GYG2: variants seen among roughly 807,000 people sequenced by gnomAD.
GYG2 encodes glycogenin 2, also known as glycogenin-2.
GYG2 carries 29 observed loss-of-function variants against 29.4 expected under a neutral mutation model. That is an observed-to-expected ratio of 0.99 (90% confidence interval 0.74 to 1.35). The LOEUF is 1.35. Among genes scored for constraint, GYG2 ranks in the 40% most tolerant of loss-of-function variants. The probability of loss-of-function intolerance (pLI) is 0.00; values close to 1 mark genes in which losing one functional copy is unlikely to be tolerated. For synonymous variants in GYG2, 167 were observed against 172.3 expected (o/e 0.97, Z 0.24); for missense variants, 370 against 385.7 (o/e 0.96, Z 0.34).
intron 9 of GYG2, 60 bp from the exon 10 acceptor site, chrX:2,877,140 G>A: frequency 8.4e-7 from 1 of 1,185,315 alleles, no homozygotes; most frequent in Non-Finnish European, 1.1e-6. Context: ...CATCATTTAG[G>A]TTAGGGCTAC....
chrX:2,879,317 G>A (rs2088666322), intron 10 of GYG2, among the ~76,000 whole-genome samples: 1 of 103,029 alleles, frequency 9.7e-6, no homozygotes, highest in Non-Finnish European at 2.0e-5. Context: ...ACCCAGTCTG[G>A]AGTGCAGTGG....
intron 6 of GYG2, among the ~76,000 whole-genome samples, chrX:2,859,058 A>G (rs2088091383): frequency 9.0e-6 from 1 of 111,620 alleles, no homozygotes; most frequent in Non-Finnish European, 1.9e-5. Context: ...TTTTTGATAT[A>G]TAGAAAATAA....
At chrX:2,877,603 A>G (rs2088631954) in intron 10 of GYG2, 1 of 751,947 alleles carries the variant, frequency 1.3e-6, no homozygotes, top group Admixed American at 8.8e-5. Flanking sequence ...GTGGAAATTA[A>G]TGCGTAGCAA....
intron 8 of GYG2, among the ~76,000 whole-genome samples, chrX:2,869,016 TAAAA>T (rs34020477): frequency 1.0e-5 from 1 of 96,508 alleles, no homozygotes; most frequent in Non-Finnish European, 2.1e-5. Context: ...CTGAACATCT[TAAAA>T]AAAAAAAAAA....
chrX:2,832,462 C>T (rs192283128), intron 2 of GYG2, among the ~76,000 whole-genome samples: 221 of 111,983 alleles, frequency 2.0e-3, no homozygotes, highest in Non-Finnish European at 2.1e-3. Flanking sequence ...GTGGGCAGGG[C>T]TGGTTCCTCC....
chrX:2,833,773 A>G (rs2087316914), intron 2 of GYG2, among the ~76,000 whole-genome samples: 1 of 112,312 alleles, frequency 8.9e-6, no homozygotes, highest in African/African-American at 3.2e-5. Context: ...CATTTCTCTT[A>G]GTTGTCACTG....
rs759432385 is a variant in GYG2, at chrX:2,834,175, C to T, written c.7+3980C>T. On this transcript the variant is annotated intron_variant, in intron 2 of 10. Coordinates refer to ENST00000398806, the MANE Select transcript of GYG2 (RefSeq NM_001079855.2). ...ATTTTTTCTGCCTCTTCCTTCTTTG[C>T]CTTATTATTTTTGGTTCAGTTTCTT... is the stretch of plus-strand genomic sequence containing the variant. Among the ~76,000 whole-genome samples, 3 of 111,949 alleles carry T rather than the reference C, an allele frequency of 2.7e-5. No individual in the cohort carries two copies. The South Asian group carries it at 1.1e-3, about 42-fold the overall frequency.
At chrX:2,854,953 A>G (rs1455028038) in intron 4 of GYG2, 40 bp from the exon 5 acceptor site, 2 of 1,189,680 alleles carry the variant, frequency 1.7e-6, no homozygotes, top group South Asian at 3.7e-5. Flanking sequence ...CATTGGTAAA[A>G]GAAGCATTGC....
chrX:2,832,053 C>T (rs747704358), intron 2 of GYG2, among the ~76,000 whole-genome samples: 7 of 112,810 alleles, frequency 6.2e-5, no homozygotes, highest in South Asian at 7.3e-4. Flanking sequence ...TGTTCTCTGG[C>T]GTCTGGCGCC....
At chrX:2,841,127 T>C (rs921217735) in intron 2 of GYG2, among the ~76,000 whole-genome samples, 1 of 108,497 alleles carries the variant, frequency 9.2e-6, no homozygotes, top group African/African-American at 3.4e-5. Context: ...GATGGATAGA[T>C]AGATGATAGA....
At chrX:2,877,067 G>T in intron 9 of GYG2, 133 bp from the exon 10 acceptor site, 1 of 865,136 alleles carries the variant, frequency 1.2e-6, no homozygotes. Context: ...ACAGGCATGA[G>T]CCACCGCGCC....
chrX:2,836,824 G>A (rs890050960), intron 2 of GYG2, among the ~76,000 whole-genome samples: 1 of 110,793 alleles, frequency 9.0e-6, no homozygotes, highest in South Asian at 3.9e-4. Flanking sequence ...AAAAATAGCT[G>A]GATGTAGTGG....
intron 8 of GYG2, among the ~76,000 whole-genome samples, chrX:2,872,030 T>G (rs962397147): frequency 6.3e-5 from 7 of 111,764 alleles, no homozygotes; most frequent in Non-Finnish European, 1.1e-4. Context: ...TCGTCTGCCT[T>G]TACGATGTCC....
chrX:2,851,355 C>T lies in GYG2; in HGVS notation c.150-2625C>T, dbSNP rs1191455705. ...CTGCCTCCCAGGTTCAAGCAATTCT[C>T]ATGCCTCAGCCTCCAGAGTAGCTGG... On this transcript the variant is annotated intron_variant, in intron 3 of 10. Transcript: ENST00000398806. Among the ~76,000 whole-genome samples, 4 of 111,704 alleles carry T rather than the reference C, an allele frequency of 3.6e-5. No individual in the cohort carries two copies. The East Asian group carries it at 1.1e-3, about 31-fold the overall frequency.
chrX:2,860,373 G>A (rs1462777783), intron 7 of GYG2, among the ~76,000 whole-genome samples: 1 of 111,172 alleles, frequency 9.0e-6, no homozygotes, highest in East Asian at 2.8e-4. Flanking sequence ...GACTGATTAC[G>A]ACGTCATTCG....
At position 2,882,565 on chromosome X, in the gene GYG2, G is replaced by A. The variant is rs1328490803; in HGVS notation, c.*1352G>A. On this transcript the variant is annotated 3_prime_UTR_variant, in exon 11 of 11. Coordinates refer to ENST00000398806, the MANE Select transcript of GYG2 (RefSeq NM_001079855.2). ...TTTTCCGTGTGGGTGGTTAATAATC[G>A]TCAGTCTCGGAGGGCGAGGCTCGTA... The A allele has an allele frequency of 9.1e-6, 1 of 109,617 alleles. No homozygotes were observed. Among genetic ancestry groups the A allele is most frequent in the African/African-American group, 3.3e-5 (1 of 30,011 alleles). 9.0% of individuals were successfully genotyped at this position (109,617 alleles called of 1,213,427 possible). A position where few individuals can be genotyped will look rare whatever the true frequency, so the allele number is the denominator to read the frequency against.
chrX:2,877,503 C>A (rs965617541), intron 10 of GYG2, 196 bp downstream of exon 10: 3 of 1,048,216 alleles, frequency 2.9e-6, no homozygotes, highest in Middle Eastern at 3.9e-4. Flanking sequence ...TCGGCCGACT[C>A]TCTTTTGCCA....
At chrX:2,834,109 G>T (rs186252489) in intron 2 of GYG2, among the ~76,000 whole-genome samples, 1 of 112,542 alleles carries the variant, frequency 8.9e-6, no homozygotes, top group Non-Finnish European at 1.9e-5. Flanking sequence ...GCAGGATGCA[G>T]CATGCAACCT....
chrX:2,837,787 T>C (rs1453308906), intron 2 of GYG2, among the ~76,000 whole-genome samples: 1 of 110,352 alleles, frequency 9.1e-6, no homozygotes, highest in African/African-American at 3.3e-5. Context: ...TCATAATATA[T>C]ATGATTTGAT....
Sources: allele counts gnomAD v4.1 joint callset (sites outside exome capture counted in the v4.1 genomes callset), GRCh38; gene constraint gnomAD v4.1.1; transcripts MANE v1.5; gene names NCBI Gene and HGNC (gene_info 2026-07-23, HGNC 2026-07-21).